PCDH7: variants seen among roughly 807,000 people sequenced by gnomAD.
The protein encoded by PCDH7 is protocadherin 7, also known as protocadherin-7.
In PCDH7, 17 loss-of-function variants were observed where a neutral mutation model predicts 58.9. The ratio of observed to expected loss-of-function variants is 0.29; its 90% confidence interval spans 0.20 to 0.43. The LOEUF (loss-of-function observed/expected upper bound fraction) is 0.43, where lower values mean the gene tolerates loss of function less well. Ranked by LOEUF, PCDH7 falls within the 20% of genes least tolerant of loss-of-function variation. The pLI, the probability that PCDH7 is intolerant of heterozygous loss-of-function variation, is 1.00. For synonymous variants in PCDH7, 664 were observed against 616.4 expected, an observed-to-expected ratio of 1.08 and a Z score of -1.14; for missense variants, 1,274 against 1,441.0, an observed-to-expected ratio of 0.88 and a Z score of 1.88.
intron 1 of PCDH7, among the ~76,000 whole-genome samples, chr4:30,889,137 C>CAAAAAAAAAAAAAAAAAAAAAAAAAAAAA (rs371917620): frequency 1.8e-4 from 9 of 49,992 alleles, no homozygotes; most frequent in Non-Finnish European, 2.4e-4. Context: ...GCAGATATCT[C>CAAAAAAAAAAAAAAAAAAAAAAAAAAAAA]AAAAAAAAAA....
intron 3 of PCDH7, among the ~76,000 whole-genome samples, chr4:31,083,455 A>T (rs1310145967): frequency 6.6e-6 from 1 of 152,206 alleles, no homozygotes; most frequent in Non-Finnish European, 1.5e-5. Context: ...CAGACCACTT[A>T]AATTATTTTG....
chr4:30,733,291 G>A (rs1351074298), downstream of PCDH7, among the ~76,000 whole-genome samples: 1 of 152,104 alleles, frequency 6.6e-6, no homozygotes, highest in Non-Finnish European at 1.5e-5. Context: ...CTAGAGACTG[G>A]TCTATTTTAG....
chr4:30,790,563 A>G (rs1049423672), intron 1 of PCDH7, among the ~76,000 whole-genome samples: 11 of 152,242 alleles, frequency 7.2e-5, no homozygotes, highest in African/African-American at 2.7e-4. Flanking sequence ...AAAGGTACTC[A>G]TTAGTTCTAG....
At chr4:31,044,094 A>G (rs1294730958) in intron 3 of PCDH7, among the ~76,000 whole-genome samples, 1 of 152,258 alleles carries the variant, frequency 6.6e-6, no homozygotes, top group East Asian at 1.9e-4. Context: ...GTTTATTTAA[A>G]TACATAAATA....
chr4:31,114,323 G>GGTA (rs1374061804), intron 3 of PCDH7, among the ~76,000 whole-genome samples: 2 of 151,824 alleles, frequency 1.3e-5, no homozygotes, highest in African/African-American at 4.8e-5. Flanking sequence ...TCAGCATATT[G>GGTA]GTATTATTTA....
intron 2 of PCDH7, chr4:30,935,311 G>A: frequency 1.0e-6 from 1 of 976,284 alleles, no homozygotes; most frequent in Non-Finnish European, 1.2e-6. Context: ...CTTACCTCCA[G>A]AAATGTTTAC....
At chr4:30,746,405 G>A (rs1264485936) in intron 1 of PCDH7, among the ~76,000 whole-genome samples, 1 of 152,110 alleles carries the variant, frequency 6.6e-6, no homozygotes, top group Admixed American at 6.5e-5. Context: ...GCCCTGCAGC[G>A]TGAAGGGAGA....
At chr4:30,957,213 A>G (rs950031236) in intron 3 of PCDH7, among the ~76,000 whole-genome samples, 1 of 152,176 alleles carries the variant, frequency 6.6e-6, no homozygotes, top group Non-Finnish European at 1.5e-5. Flanking sequence ...CTTAACCATC[A>G]TTATTTAAGC....
chr4:30,933,352 C>A (rs1170975836), intron 2 of PCDH7, among the ~76,000 whole-genome samples: 2 of 151,996 alleles, frequency 1.3e-5, no homozygotes, highest in African/African-American at 4.8e-5. Flanking sequence ...CACACTGAGG[C>A]CTGATGAGGC....
chr4:31,002,726 A>G (rs568187296), intron 3 of PCDH7, among the ~76,000 whole-genome samples: 21 of 152,360 alleles, frequency 1.4e-4, no homozygotes, highest in South Asian at 6.2e-4. Flanking sequence ...TTCTAAGTTC[A>G]ACTTAATAGA....
chr4:30,744,216 A>G (rs1196903646), intron 1 of PCDH7, among the ~76,000 whole-genome samples: 1 of 152,144 alleles, frequency 6.6e-6, no homozygotes. Flanking sequence ...TGTTTTTTCA[A>G]CTTCAGTGTC....
At chr4:30,938,357 C>G (rs1408850292) in intron 2 of PCDH7, among the ~76,000 whole-genome samples, 1 of 152,048 alleles carries the variant, frequency 6.6e-6, no homozygotes, top group Non-Finnish European at 1.5e-5. Flanking sequence ...AATTTTAGGA[C>G]AAATATTTCC....
intron 1 of PCDH7, among the ~76,000 whole-genome samples, chr4:30,872,249 G>A (rs1051786445): frequency 2.0e-5 from 3 of 152,012 alleles, no homozygotes; most frequent in Non-Finnish European, 4.4e-5. Context: ...CTACCAAGAT[G>A]TTATTTAGGG....
At chr4:31,069,355 C>A (rs990849878) in intron 3 of PCDH7, among the ~76,000 whole-genome samples, 1 of 148,362 alleles carries the variant, frequency 6.7e-6, no homozygotes, top group Non-Finnish European at 1.5e-5. Flanking sequence ...TAAGCCAAGT[C>A]TCCCTGGTGC....
At position 30,941,288 on chromosome 4, in the gene PCDH7, T is replaced by G. The variant is rs1206749080; in HGVS notation, c.288-8832T>G. ...GTCTGTGAATAACCATTCCTTGAAG[T>G]TTAAGATTATAAATAACAGTGCAAA... On this transcript the variant is annotated intron_variant, in intron 2 of 3. Transcript: ENST00000509759. Among the ~76,000 whole-genome samples the G allele has an allele frequency of 3.9e-5, 6 of 151,958 alleles. No homozygotes were observed. The East Asian group carries it at 1.2e-3, about 29-fold the overall frequency.
chr4:30,998,888 G>T (rs1212077656), intron 3 of PCDH7, among the ~76,000 whole-genome samples: 1 of 152,128 alleles, frequency 6.6e-6, no homozygotes, highest in Non-Finnish European at 1.5e-5. Flanking sequence ...TGGAAAGGAA[G>T]CTGTCATTGG....
chr4:30,816,924 T>C (rs1406747007), intron 1 of PCDH7, among the ~76,000 whole-genome samples: 2 of 152,156 alleles, frequency 1.3e-5, no homozygotes, highest in East Asian at 3.9e-4. Context: ...CTTCATCAGC[T>C]GGCTTCATTA....
rs373967263 is a variant in PCDH7 at position 30,905,576 on chromosome 4, G to C, written c.71-14577G>C. Among the ~76,000 whole-genome samples, 17 of 152,306 alleles carry C rather than the reference G, an allele frequency of 1.1e-4. No homozygotes were observed. The East Asian group carries it at 3.3e-3, about 29-fold the overall frequency. ...ACTGGGTTTAATGCCTGACTTTGCA[G>C]CATGTAGATTTTTCAGCACAGTGGT... is the stretch of plus-strand genomic sequence containing the variant. On this transcript the variant is annotated intron_variant, in intron 1 of 3. Coordinates refer to the PCDH7 transcript ENST00000509759.
chr4:30,779,668 C>T (rs962461288), intron 1 of PCDH7, among the ~76,000 whole-genome samples: 9 of 152,192 alleles, frequency 5.9e-5, no homozygotes, highest in African/African-American at 2.2e-4. Flanking sequence ...TTTGTCCTAT[C>T]TCACATTTAC....
Sources: allele counts gnomAD v4.1 joint callset (sites outside exome capture counted in the v4.1 genomes callset), GRCh38; gene constraint gnomAD v4.1.1; transcripts MANE v1.5; gene names NCBI Gene and HGNC (gene_info 2026-07-23, HGNC 2026-07-21).